Variants in EVL observed in about 807,000 individuals in gnomAD.
EVL encodes the protein Enah/Vasp-like.
A neutral mutation model predicts 59.6 loss-of-function variants in EVL; 21 were observed. That is an observed-to-expected ratio of 0.35 (90% CI 0.25 to 0.51). The LOEUF (loss-of-function observed/expected upper bound fraction) is 0.51. Ranked by LOEUF, EVL falls within the 20% of genes least tolerant of loss-of-function variation. The pLI, the probability that EVL is intolerant of heterozygous loss-of-function variation, is 0.97. For missense variants in EVL, 462 were observed against 546.6 expected (o/e 0.85, Z 1.54); for synonymous variants, 198 against 203.5 (o/e 0.97, Z 0.23).
At chr14:100,041,356 C>T (rs943547095) in intron 1 of EVL, among the ~76,000 whole-genome samples, 1 of 152,130 alleles carries the variant, frequency 6.6e-6, no homozygotes, top group Non-Finnish European at 1.5e-5. Flanking sequence ...CTGTTTACTT[C>T]ACAGCATAGT....
chr14:100,074,052 G>A (rs1347134322), intron 1 of EVL, among the ~76,000 whole-genome samples: 4 of 152,134 alleles, frequency 2.6e-5, no homozygotes, highest in African/African-American at 9.7e-5. Flanking sequence ...AGAGGCTAGA[G>A]GAAAGCACAG....
At chr14:100,115,361 A>G (rs1010218513) in intron 3 of EVL, among the ~76,000 whole-genome samples, 1 of 152,116 alleles carries the variant, frequency 6.6e-6, no homozygotes, top group East Asian at 1.9e-4. Flanking sequence ...ACCCCTCTAC[A>G]CAAGGGGTGC....
intron 1 of EVL, among the ~76,000 whole-genome samples, chr14:100,002,184 T>C (rs182311696): frequency 6.6e-5 from 10 of 152,268 alleles, no homozygotes; most frequent in Non-Finnish European, 1.5e-4. Context: ...CTGCTTGATA[T>C]CCATGAACAT....
At chr14:100,033,964 G>A (rs2061350556) in intron 1 of EVL, among the ~76,000 whole-genome samples, 1 of 152,148 alleles carries the variant, frequency 6.6e-6, no homozygotes, top group Admixed American at 6.6e-5. Flanking sequence ...GGTGGCTCAT[G>A]TCTGTAATCC....
chr14:100,132,983 C>G (rs1229184440), intron 8 of EVL, among the ~76,000 whole-genome samples: 1 of 152,200 alleles, frequency 6.6e-6, no homozygotes, highest in African/African-American at 2.4e-5. Context: ...TCACTGAGCA[C>G]CCCCTACCAG....
intron 1 of EVL, among the ~76,000 whole-genome samples, chr14:100,033,837 AGACTCTG>A (rs2061348767): frequency 6.6e-6 from 1 of 152,196 alleles, no homozygotes; most frequent in African/African-American, 2.4e-5. Flanking sequence ...CAAGACCATC[AGACTCTG>A]GAACCTGTGT....
chr14:100,106,503 T>C (rs1886579542), intron 3 of EVL: 1 of 177,062 alleles, frequency 5.6e-6, no homozygotes, highest in Admixed American at 6.3e-5. Context: ...ACCGCCTCCG[T>C]CTCCTAGTGT....
chr14:100,022,999 G>A (rs1235048931), intron 1 of EVL, among the ~76,000 whole-genome samples: 1 of 152,134 alleles, frequency 6.6e-6, no homozygotes, highest in East Asian at 1.9e-4. Flanking sequence ...ACTCCACTGA[G>A]CACTGATGGT....
In EVL at chr14:100,109,083, T is replaced by TC. The variant is rs1886773086; in HGVS notation, c.358+11425_358+11426insC. ...TGGGACCATGTCCAGCAGTGAAGGCTGTGCATTGGCCTGAGCCCCTGGTCC... is the reference window on the plus strand; with the variant it reads ...TGGGACCATGTCCAGCAGTGAAGGCTCGTGCATTGGCCTGAGCCCCTGGTCC... On this transcript the variant is annotated intron_variant, in intron 3 of 13. Transcript: ENST00000392920. The surrounding 1 kb of genome is among the most constrained non-coding windows in gnomAD (Gnocchi z 4.3). 5.3e-5 allele frequency among the ~76,000 whole-genome samples: 8 copies of TC among 152,294 alleles called. No individual in the cohort carries two copies. In the South Asian group the frequency reaches 1.4e-3, roughly 28 times the overall value.
upstream of EVL, among the ~76,000 whole-genome samples, chr14:100,062,818 GC>G (rs2061861342): frequency 6.6e-6 from 1 of 152,218 alleles, no homozygotes; most frequent in Non-Finnish European, 1.5e-5. Flanking sequence ...CATGGGATGG[GC>G]ATGGTGACTC....
chr14:100,135,010 ACT>A (rs1292500098), intron 8 of EVL: 1 of 152,168 alleles, frequency 6.6e-6, no homozygotes, highest in African/African-American at 2.4e-5. Context: ...TTTTTTAGTG[ACT>A]CTGATGTCAC....
intron 1 of EVL, among the ~76,000 whole-genome samples, chr14:100,011,245 A>ATTTG (rs2061015229): frequency 6.6e-6 from 1 of 152,226 alleles, no homozygotes; most frequent in African/African-American, 2.4e-5. Flanking sequence ...ACTCAAAAGC[A>ATTTG]TTTGTTTGGA....
At chr14:100,137,435 G>C in intron 9 of EVL, 143 bp from the exon 10 acceptor site, 1 of 809,668 alleles carries the variant, frequency 1.2e-6, no homozygotes, top group Non-Finnish European at 2.0e-6. Flanking sequence ...CCAGGTTTTG[G>C]CTTAACTCAA....
chr14:99,977,300 T>C (rs2060776623), intron 1 of EVL: 1 of 152,222 alleles, frequency 6.6e-6, no homozygotes, highest in Non-Finnish European at 1.5e-5. Context: ...GCAGGTACTT[T>C]TATCTCCTTT....
At chr14:100,061,744 A>G (rs2061838607), upstream of EVL, among the ~76,000 whole-genome samples, 1 of 152,156 alleles carries the variant, frequency 6.6e-6, no homozygotes, top group African/African-American at 2.4e-5. Flanking sequence ...CATACTTTGT[A>G]TATTATGTGT....
intron 1 of EVL, among the ~76,000 whole-genome samples, chr14:99,979,074 C>T (rs181065529): frequency 2.0e-5 from 3 of 152,046 alleles, no homozygotes; most frequent in Non-Finnish European, 2.9e-5. Flanking sequence ...ATTGAGAAAT[C>T]GTTTTTTGAA....
At chr14:100,085,307 G>A (rs990780181) in intron 2 of EVL, among the ~76,000 whole-genome samples, 6 of 152,128 alleles carry the variant, frequency 3.9e-5, no homozygotes, top group Non-Finnish European at 7.4e-5. Flanking sequence ...TTCAACCTAG[G>A]CAAATCAGAT....
At chr14:100,072,120 A>G (rs915346023) in intron 1 of EVL, among the ~76,000 whole-genome samples, 2 of 152,210 alleles carry the variant, frequency 1.3e-5, no homozygotes, top group African/African-American at 2.4e-5. Context: ...ATAGTTTCAC[A>G]TCCTAGCTTA....
intron 1 of EVL, among the ~76,000 whole-genome samples, chr14:100,054,247 G>A (rs949827597): frequency 6.6e-6 from 1 of 151,634 alleles, no homozygotes; most frequent in African/African-American, 2.4e-5. Context: ...CAGAGATGGG[G>A]TTTCACCATG....
Sources: allele counts gnomAD v4.1 joint callset (sites outside exome capture counted in the v4.1 genomes callset), GRCh38; gene constraint gnomAD v4.1.1; non-coding constraint Gnocchi (gnomAD v3.1); transcripts MANE v1.5; gene names NCBI Gene and HGNC (gene_info 2026-07-23, HGNC 2026-07-21).